Variants in CDH4 observed in about 807,000 individuals in gnomAD.
The protein encoded by CDH4 is cadherin-4.
In CDH4, 33 loss-of-function variants were observed where a neutral mutation model predicts 86.0. The ratio of observed to expected loss-of-function variants is 0.38; its 90% CI spans 0.29 to 0.51. The LOEUF (loss-of-function observed/expected upper bound fraction) is 0.51, where lower values mean the gene tolerates loss of function less well. Among genes scored for constraint, CDH4 ranks in the 20% least tolerant of loss-of-function variants. The pLI, the probability that CDH4 is intolerant of heterozygous loss-of-function variation, is 0.86. For missense variants in CDH4, 1,114 were observed against 1,307.4 expected (o/e 0.85, Z 2.28); for synonymous variants, 555 against 549.4 (o/e 1.01, Z -0.14).
chr20:61,328,467 G>A lies in CDH4; in HGVS notation c.169+73530G>A, dbSNP rs565313625. 1.3e-3 allele frequency among the ~76,000 whole-genome samples: 204 copies of A among 152,272 alleles called. 2 individuals are homozygous for A. Among genetic ancestry groups the A allele is most frequent in the East Asian group, 5.8e-4 (3 of 5,156 alleles). On this transcript the variant is annotated intron_variant, in intron 2 of 15. Transcript: ENST00000614565. ...TGGGATTACAGGCGTGAGCCACCGC[G>A]CCCGGCCCAAAATTGCTGTTTTTAA...
intron 2 of CDH4, among the ~76,000 whole-genome samples, chr20:61,320,342 A>G (rs2084501233): frequency 6.6e-6 from 1 of 152,128 alleles, no homozygotes. Context: ...AGTGCTAGGC[A>G]CAGGGTGTCA....
chr20:61,728,320 C>A (rs1440386284), intron 2 of CDH4, among the ~76,000 whole-genome samples: 4 of 152,154 alleles, frequency 2.6e-5, no homozygotes, highest in Non-Finnish European at 4.4e-5. Context: ...TGGAAGGGAG[C>A]AGGGTGGTGG....
chr20:61,669,581 G>A (rs536349755), intron 2 of CDH4, among the ~76,000 whole-genome samples: 97 of 152,318 alleles, frequency 6.4e-4, no homozygotes, highest in Middle Eastern at 3.4e-3. Context: ...AACTGAAGAA[G>A]GGTGGCTCAA....
rs1038841254 is a variant in CDH4, at chr20:61,544,590, G to A, written c.170-198973G>A. On this transcript the variant is annotated intron_variant, in intron 2 of 15. Coordinates refer to ENST00000614565, the MANE Select transcript of CDH4 (RefSeq NM_001794.5). This position sits in a 1 kb window ranked among gnomAD's most constrained non-coding sequence, Gnocchi z 6.5. ...TCCCTGCGTTGACGGTGGCATGACC[G>A]TGTGTGATGGGATGTGCCGGGGGCA... 9.9e-5 allele frequency among the ~76,000 whole-genome samples: 15 copies of A among 151,886 alleles called. No individual in the cohort carries two copies. The highest frequency in any genetic ancestry group is 1.2e-4 in the Non-Finnish European group (8 of 67,982).
chr20:61,731,043 C>T (rs73152105), intron 2 of CDH4, among the ~76,000 whole-genome samples: 19,791 of 151,970 alleles, frequency 0.13, 1,663 homozygotes, highest in Middle Eastern at 0.3. Context: ...TGTGGGCAGA[C>T]CCCAGAGACC....
intron 7 of CDH4, among the ~76,000 whole-genome samples, chr20:61,889,599 GGATGATGGGTGGATAGATGATGGATGGA>G (rs1984710144): frequency 1.1e-4 from 1 of 8,790 alleles, no homozygotes; most frequent in African/African-American, 3.1e-4. Flanking sequence ...GTGGATGGAT[GGATGATGGGTGGATAGATGATGGATGGA>G]TGGATGGATA....
At position 61,923,453 on chromosome 20, in the gene CDH4, A is replaced by G. The variant is rs375305228; in HGVS notation, c.1377A>G (p.Ala459=). The change falls in exon 10 of 16, where the codon GCA becomes GCG. Residue 459 remains alanine (A), a splice_region_variant and synonymous_variant. Coordinates refer to ENST00000614565, the MANE Select transcript of CDH4 (RefSeq NM_001794.5). ...CCAGCCCTGATCTGTTGTTCCAGGC[A>G]GTCGACTACGAGCTCAACAGAGCTT... ...TNEGMVTVVK[A]VDYELNRAFM... is the part of the protein sequence containing the mutation. 4 of 1,613,926 alleles carry G rather than the reference A, an allele frequency of 2.5e-6. No homozygotes were observed. The African/African-American group carries it at 5.3e-5, about 22-fold the overall frequency.
chr20:61,567,729 C>G (rs1490986014), intron 2 of CDH4, among the ~76,000 whole-genome samples: 2 of 152,208 alleles, frequency 1.3e-5, no homozygotes, highest in Admixed American at 1.3e-4. Flanking sequence ...ATGCCAGAAT[C>G]CCAACACTCT....
At chr20:61,339,058 A>T (rs1400703126) in intron 2 of CDH4, among the ~76,000 whole-genome samples, 1 of 152,222 alleles carries the variant, frequency 6.6e-6, no homozygotes, top group Non-Finnish European at 1.5e-5. Flanking sequence ...ACACACGCAC[A>T]CACCCCCCAT....
At chr20:61,526,157 C>T (rs2085908047) in intron 2 of CDH4, among the ~76,000 whole-genome samples, 2 of 151,860 alleles carry the variant, frequency 1.3e-5, no homozygotes, top group Non-Finnish European at 2.9e-5. Flanking sequence ...CTGTCCCTCT[C>T]CTGCTGGTGC....
chr20:61,690,748 A>G (rs1600878457), intron 2 of CDH4, among the ~76,000 whole-genome samples: 1 of 152,088 alleles, frequency 6.6e-6, no homozygotes, highest in Non-Finnish European at 1.5e-5. Context: ...TCTCCTCACA[A>G]TGGACTTGCT....
intron 2 of CDH4, among the ~76,000 whole-genome samples, chr20:61,285,519 C>T (rs7266112): frequency 0.011 from 1,605 of 152,354 alleles, 24 homozygotes; most frequent in African/African-American, 0.036. Context: ...AAAGGCCTGG[C>T]CTGTGCGGCC....
At chr20:61,590,940 G>A (rs1025111429) in intron 2 of CDH4, among the ~76,000 whole-genome samples, 1 of 151,988 alleles carries the variant, frequency 6.6e-6, no homozygotes, top group African/African-American at 2.4e-5. Context: ...CATGAGGGCA[G>A]TTGGTCTCCA....
At chr20:61,409,349 T>G (rs899220514) in intron 2 of CDH4, among the ~76,000 whole-genome samples, 2 of 152,192 alleles carry the variant, frequency 1.3e-5, no homozygotes, top group African/African-American at 4.8e-5. Context: ...AGGGGTTCCC[T>G]CCCTCCCCAT....
Position 61,280,003 on chromosome 20 carries a change from C to T in CDH4, c.169+25066C>T, listed in dbSNP as rs767102486. The stretch of plus-strand genomic sequence containing the variant: ...GACCCGGCCCAGTGTTAGCTGACTC[C>T]ATCGGTGGGGTTGCCTGCAGCTGTG... On this transcript the variant is annotated intron_variant, in intron 2 of 15. Transcript: ENST00000614565. Among the ~76,000 whole-genome samples, 5 of 152,086 alleles carry T rather than the reference C, an allele frequency of 3.3e-5. No homozygotes were observed. The South Asian group carries it at 6.2e-4, about 19-fold the overall frequency.
At chr20:61,687,072 A>G (rs894974655) in intron 2 of CDH4, among the ~76,000 whole-genome samples, 1 of 152,058 alleles carries the variant, frequency 6.6e-6, no homozygotes, top group African/African-American at 2.4e-5. Context: ...GGACGGTGGC[A>G]GGTGATTGAT....
chr20:61,518,659 C>T lies in CDH4; in HGVS notation c.170-224904C>T, dbSNP rs2085843797. Among the ~76,000 whole-genome samples the T allele has an allele frequency of 6.6e-6, 1 of 151,706 alleles. No homozygotes were observed. The highest frequency in any genetic ancestry group is 1.5e-5 in the Non-Finnish European group (1 of 67,932). On this transcript the variant is annotated intron_variant, in intron 2 of 15. Coordinates refer to ENST00000614565, the MANE Select transcript of CDH4 (RefSeq NM_001794.5). This position sits in a 1 kb window ranked among gnomAD's most constrained non-coding sequence, Gnocchi z 6.3. The stretch of plus-strand genomic sequence containing the variant: ...CCATTTATCCATCCATTCATCCTTC[C>T]ATCTATCATCCTTTATTCATCCATC...
At chr20:61,621,508 T>C (rs1000918702) in intron 2 of CDH4, among the ~76,000 whole-genome samples, 2 of 152,202 alleles carry the variant, frequency 1.3e-5, no homozygotes, top group Non-Finnish European at 2.9e-5. Context: ...ATGCAGTCAA[T>C]CAGAGTAACA....
At chr20:61,551,017 C>A (rs1423087042) in intron 2 of CDH4, among the ~76,000 whole-genome samples, 1 of 152,220 alleles carries the variant, frequency 6.6e-6, no homozygotes, top group Non-Finnish European at 1.5e-5. Flanking sequence ...ACCCACTAGT[C>A]TTGTGATTTA....
Sources: gnomAD v4.1 joint callset for allele counts (sites outside exome capture counted in the v4.1 genomes callset) on GRCh38, gnomAD v4.1.1 for gene constraint, Gnocchi (gnomAD v3.1) non-coding constraint, MANE v1.5 for transcripts, NCBI Gene and HGNC (gene_info 2026-07-23, HGNC 2026-07-21) for gene names.